Variants in PDE3B observed in about 807,000 individuals in gnomAD.
PDE3B encodes cGMP-inhibited 3',5'-cyclic phosphodiesterase 3B.
In PDE3B, 66 loss-of-function variants were observed where a neutral mutation model predicts 116.8. The observed-to-expected ratio is 0.56, with a 90% CI of 0.46 to 0.69. PDE3B has a LOEUF of 0.69. Among genes scored for constraint, PDE3B ranks in the 30% least tolerant of loss-of-function variants. The probability of loss-of-function intolerance (pLI) is 0.00; values close to 1 mark genes in which losing one functional copy is unlikely to be tolerated. For synonymous variants in PDE3B, 595 were observed against 533.6 expected, an observed-to-expected ratio of 1.12 and a Z score of -1.59; for missense variants, 1,384 against 1,368.1, an observed-to-expected ratio of 1.01 and a Z score of -0.18.
chr11:14,892,205 T>A, the PDE3B span: 5 of 1,609,268 alleles, frequency 3.1e-6, no homozygotes, highest in African/African-American at 1.3e-5. Context: ...AGCTTCCACA[T>A]CGGCCCGAGC....
At chr11:14,800,203 G>C (rs1351927483) in intron 4 of PDE3B, among the ~76,000 whole-genome samples, 1 of 152,146 alleles carries the variant, frequency 6.6e-6, no homozygotes, top group African/African-American at 2.4e-5. Context: ...AGTTTGGCTG[G>C]ATATGAAATT....
intron 1 of PDE3B, among the ~76,000 whole-genome samples, chr11:14,657,305 G>A (rs1241207417): frequency 6.6e-6 from 1 of 152,066 alleles, no homozygotes; most frequent in East Asian, 1.9e-4. Flanking sequence ...TAAGAGATAC[G>A]GAAACAGAAA....
intron 1 of PDE3B, among the ~76,000 whole-genome samples, chr11:14,749,168 C>T (rs1258274930): frequency 3.9e-5 from 6 of 152,174 alleles, no homozygotes; most frequent in Admixed American, 6.5e-5. Context: ...GGATTACAAG[C>T]GTGAGCCATC....
chr11:14,732,839 T>C (rs961222918), intron 1 of PDE3B, among the ~76,000 whole-genome samples: 4 of 152,240 alleles, frequency 2.6e-5, no homozygotes, highest in African/African-American at 4.8e-5. Context: ...TTCAAACCTG[T>C]GTTGTTCAAG....
the PDE3B span, chr11:14,892,174 G>C: frequency 8.7e-6 from 14 of 1,610,790 alleles, no homozygotes; most frequent in Non-Finnish European, 1.2e-5. Context: ...GAGCGCCGCC[G>C]CGCCCTCTTC....
At chr11:14,655,800 CATT>C (rs529459701) in intron 1 of PDE3B, among the ~76,000 whole-genome samples, 84 of 152,210 alleles carry the variant, frequency 5.5e-4, no homozygotes, top group African/African-American at 1.4e-3. Context: ...AAATTCATGA[CATT>C]GTTGTGGAAA....
intron 1 of PDE3B, among the ~76,000 whole-genome samples, chr11:14,659,817 A>G (rs1177272491): frequency 2.6e-5 from 4 of 152,212 alleles, no homozygotes; most frequent in Non-Finnish European, 2.9e-5. Context: ...GTTTACCCCT[A>G]TTTCTGCTTA....
chr11:14,866,749 A>G (rs1848055092), intron 14 of PDE3B, among the ~76,000 whole-genome samples: 1 of 152,222 alleles, frequency 6.6e-6, no homozygotes, highest in Admixed American at 6.5e-5. Context: ...AAATGTTAAT[A>G]GTACCATTTG....
chr11:14,747,013 G>A (rs1005832393), intron 1 of PDE3B, among the ~76,000 whole-genome samples: 10 of 152,190 alleles, frequency 6.6e-5, no homozygotes, highest in African/African-American at 2.4e-4. Flanking sequence ...TGCTCCTGGC[G>A]AGTGCCTCAG....
At chr11:14,801,574 C>T (rs1858766248) in intron 4 of PDE3B, among the ~76,000 whole-genome samples, 1 of 152,246 alleles carries the variant, frequency 6.6e-6, no homozygotes, top group Non-Finnish European at 1.5e-5. Flanking sequence ...CTGTCCGCCC[C>T]TACTGGGAGG....
intron 1 of PDE3B, among the ~76,000 whole-genome samples, chr11:14,694,168 G>T (rs1565095368): frequency 6.6e-6 from 1 of 152,168 alleles, no homozygotes; most frequent in Non-Finnish European, 1.5e-5. Flanking sequence ...GATGAGCAAA[G>T]AAAGTGGATT....
chr11:14,699,447 G>A (rs1360955074), intron 1 of PDE3B: 5 of 151,788 alleles, frequency 3.3e-5, no homozygotes, highest in Admixed American at 2.0e-4. Flanking sequence ...GTTGTTTCAT[G>A]TGGAAACATC....
chr11:14,759,649 A>G (rs1857299126), intron 1 of PDE3B, among the ~76,000 whole-genome samples: 1 of 151,486 alleles, frequency 6.6e-6, no homozygotes, highest in Admixed American at 6.6e-5. Context: ...CCTGGGTTCA[A>G]GTGATTCTTC....
intron 1 of PDE3B, among the ~76,000 whole-genome samples, chr11:14,660,896 G>A (rs1394227663): frequency 2.0e-5 from 3 of 152,144 alleles, no homozygotes; most frequent in Non-Finnish European, 4.4e-5. Context: ...AGACATTTAT[G>A]CAGCCAAAAA....
chr11:14,788,963 G>A, intron 3 of PDE3B, 143 bp from the exon 4 acceptor site: 3 of 525,330 alleles, frequency 5.7e-6, no homozygotes, highest in Non-Finnish European at 9.4e-6. Flanking sequence ...TAAATTGACA[G>A]ATTTTCAGAA....
chr11:14,890,834 C>T, the PDE3B span: 10 of 983,860 alleles, frequency 1.0e-5, no homozygotes, highest in Non-Finnish European at 1.2e-5. Flanking sequence ...AGGCGTGAGC[C>T]ACCGCGCCCG....
At position 14,796,555 on chromosome 11, in the gene PDE3B, G is replaced by A. The variant is rs1003311269; in HGVS notation, c.1415+7313G>A. On this transcript the variant is annotated intron_variant, in intron 4 of 15. Coordinates refer to ENST00000282096, the MANE Select transcript of PDE3B (RefSeq NM_000922.4). The stretch of plus-strand genomic sequence containing the variant: ...GTTGTTTCCCGACTTTTTAATGATC[G>A]CCATTCTAACTGGCATGAGATGGTA... 5.3e-5 allele frequency among the ~76,000 whole-genome samples: 8 copies of A among 152,192 alleles called. No homozygotes were observed. The South Asian group carries it at 6.2e-4, about 12-fold the overall frequency.
intron 1 of PDE3B, among the ~76,000 whole-genome samples, chr11:14,765,654 A>G (rs952517008): frequency 3.3e-5 from 5 of 151,672 alleles, no homozygotes; most frequent in Non-Finnish European, 7.4e-5. Context: ...ATATTAGCAC[A>G]GAAGGAAAGA....
chr11:14,772,067 C>T lies in PDE3B; in HGVS notation c.1029+80C>T, dbSNP rs747816432. On this transcript the variant is annotated intron_variant, in intron 2 of 15. Coordinates refer to ENST00000282096, the MANE Select transcript of PDE3B (RefSeq NM_000922.4). ...ATAATATCTGTGATGCAACTTTTGA[C>T]ACTTAAAGTTACACTCACAATATTT... is the stretch of plus-strand genomic sequence containing the variant. The T allele has an allele frequency of 1.3e-5, 9 of 666,870 alleles. No homozygotes were observed. The Admixed American group carries it at 2.2e-4, about 16-fold the overall frequency. The allele number at this position is 666,870 out of a possible 1,614,324, so 41.3% of individuals were successfully genotyped here.
Sources: allele counts gnomAD v4.1 joint callset (sites outside exome capture counted in the v4.1 genomes callset), GRCh38; gene constraint gnomAD v4.1.1; transcripts MANE v1.5; gene names NCBI Gene and HGNC (gene_info 2026-07-23, HGNC 2026-07-21).